The following CLDN18 variants were observed in gnomAD, a reference collection of about 807,000 sequenced individuals.
CLDN18 encodes the protein claudin-18.
A neutral mutation model predicts 25.0 loss-of-function variants in CLDN18; 20 were observed. The observed-to-expected ratio is 0.80, with a 90% CI of 0.56 to 1.16. The LOEUF (loss-of-function observed/expected upper bound fraction) is 1.16, where lower values mean the gene tolerates loss of function less well. Ranked by LOEUF, CLDN18 falls within the 50% of genes most tolerant of loss-of-function variation. CLDN18 has a pLI of 0.00. For missense variants in CLDN18, 297 were observed against 345.4 expected (o/e 0.86, Z 1.11); for synonymous variants, 125 against 135.6 (o/e 0.92, Z 0.54).
intron 1 of CLDN18, among the ~76,000 whole-genome samples, chr3:138,015,111 A>T (rs1007537970): frequency 2.0e-5 from 3 of 152,140 alleles, no homozygotes; most frequent in Non-Finnish European, 4.4e-5. Flanking sequence ...CATCCTGGGC[A>T]ACAAAGTGAA....
In CLDN18 at chr3:138,017,599, G is replaced by T. The variant is rs751706187; in HGVS notation, c.221-6059G>T. Among the ~76,000 whole-genome samples the T allele has an allele frequency of 1.3e-3, 205 of 152,140 alleles. 1 individual carries two copies. The highest frequency in any genetic ancestry group is 1.2e-4 in the Non-Finnish European group (8 of 68,012). ...AAAGGAGCTTGTCTGTTTATTTCTC[G>T]CTATTGGCTGAATGGTTTCACTGGT... is the stretch of plus-strand genomic sequence containing the variant. On this transcript the variant is annotated intron_variant, in intron 1 of 4. Transcript: ENST00000183605.
chr3:138,018,694 C>T lies in CLDN18; in HGVS notation c.221-4964C>T, dbSNP rs1036945677. ...CTGAGGGTACCTCCTACAGACTTCA[C>T]CTCGTAGTAGTATTGCATTGGGGAT... On this transcript the variant is annotated intron_variant, in intron 1 of 4. Transcript: ENST00000183605. Among the ~76,000 whole-genome samples, 6 of 152,334 alleles carry T rather than the reference C, an allele frequency of 3.9e-5. No individual in the cohort carries two copies. The South Asian group carries it at 1.2e-3, about 32-fold the overall frequency.
chr3:138,031,435 T>C lies in CLDN18; in HGVS notation c.*294T>C, dbSNP rs1942394869. The C allele has an allele frequency of 4.5e-6, 1 of 221,156 alleles. No homozygotes were observed. The highest frequency in any genetic ancestry group is 5.7e-5 in the Admixed American group (1 of 17,626). 13.7% of individuals were successfully genotyped at this position (221,156 alleles called of 1,614,324 possible). A position where few individuals can be genotyped will look rare whatever the true frequency, so the allele number is the denominator to read the frequency against. On this transcript the variant is annotated 3_prime_UTR_variant, in exon 5 of 5. Transcript: ENST00000183605. Reference sequence around the variant, plus strand: ...CTGATGAGAGAATGTGGTTTTAATCTCTCTCTCACATTTTGATGATTTAGA... The same window carrying C: ...CTGATGAGAGAATGTGGTTTTAATCCCTCTCTCACATTTTGATGATTTAGA...
intron 3 of CLDN18, among the ~76,000 whole-genome samples, chr3:138,026,491 C>T (rs1227007521): frequency 1.3e-5 from 2 of 152,044 alleles, no homozygotes; most frequent in South Asian, 4.2e-4. Flanking sequence ...ACTGAAAATA[C>T]AAAATTAGCT....
rs1942404461 is a variant in CLDN18 at position 138,032,140 on chromosome 3, C to CT, written c.*1000dup. 1 of 152,214 alleles carries CT rather than the reference C, an allele frequency of 6.6e-6. No individual in the cohort carries two copies. The highest frequency in any genetic ancestry group is 6.5e-5 in the Admixed American group (1 of 15,278). The allele number at this position is 152,214 out of a possible 1,614,324, so 9.4% of individuals were successfully genotyped here. A position where few individuals can be genotyped will look rare whatever the true frequency, so the allele number is the denominator to read the frequency against. ...AAGCCATGTAAAAAGTAAATAATGT[C>CT]TGGGCACAGTGGCTCACGCCTGTAA... On this transcript the variant is annotated 3_prime_UTR_variant, in exon 5 of 5. Coordinates refer to ENST00000183605, the MANE Select transcript of CLDN18 (RefSeq NM_016369.4).
upstream of CLDN18, among the ~76,000 whole-genome samples, chr3:138,006,891 C>T (rs1559803488): frequency 6.6e-6 from 1 of 152,210 alleles, no homozygotes; most frequent in East Asian, 1.9e-4. Context: ...ACCATTTCAG[C>T]CAAGAAAGAA....
At chr3:138,028,613 G>A (rs932958135) in intron 3 of CLDN18, among the ~76,000 whole-genome samples, 11 of 152,218 alleles carry the variant, frequency 7.2e-5, no homozygotes, top group African/African-American at 2.7e-4. Context: ...AACTCATGGA[G>A]CCGGAAATCA....
upstream of CLDN18, among the ~76,000 whole-genome samples, chr3:138,007,173 T>C (rs1318101695): frequency 1.3e-5 from 2 of 152,186 alleles, no homozygotes; most frequent in Non-Finnish European, 2.9e-5. Context: ...AGGATACAAT[T>C]TGACCTAGCA....
upstream of CLDN18, among the ~76,000 whole-genome samples, chr3:138,005,516 G>T (rs919105636): frequency 4.0e-5 from 6 of 151,810 alleles, no homozygotes; most frequent in African/African-American, 1.5e-4. Flanking sequence ...GTGTTAGTTT[G>T]CTGAGAATGG....
Position 138,010,186 on chromosome 3 carries a change from C to A in CLDN18, c.-40C>A. ...CTTCACACCTTCGGCAGCAGGAGGG[C>A]GGCAGCTTCTCGCAGGCGGCAGGGC... On this transcript the variant is annotated 5_prime_UTR_variant, in exon 1 of 5. Transcript: ENST00000183605. 1 of 1,598,830 alleles carries A rather than the reference C, an allele frequency of 6.3e-7. No individual in the cohort carries two copies. The highest frequency in any genetic ancestry group is 2.3e-5 in the East Asian group (1 of 44,436).
intron 1 of CLDN18, among the ~76,000 whole-genome samples, chr3:137,999,557 C>A (rs868223274): frequency 1.3e-5 from 2 of 152,108 alleles, no homozygotes; most frequent in Non-Finnish European, 2.9e-5. Context: ...CAATAGAAAT[C>A]GGGCAGAGGA....
Position 138,031,875 on chromosome 3 carries a change from T to A in CLDN18, c.*734T>A, listed in dbSNP as rs943718576. ...AGATGAATGAGAAAATTATTTTTTT[T>A]AATTTAAGTCCTAAATATAGTTAAA... On this transcript the variant is annotated 3_prime_UTR_variant, in exon 5 of 5. Transcript: ENST00000183605. The A allele has an allele frequency of 1.3e-5, 2 of 152,226 alleles. No individual in the cohort carries two copies. The highest frequency in any genetic ancestry group is 2.9e-5 in the Non-Finnish European group (2 of 68,048). 9.4% of individuals were successfully genotyped at this position (152,226 alleles called of 1,614,324 possible).
rs912287789 is a variant in CLDN18 at position 138,010,393 on chromosome 3, G to C, written c.168G>C (p.Gln56His). 2.8e-5 allele frequency: 45 copies of C among 1,614,128 alleles called. No individual in the cohort carries two copies. The highest frequency in any genetic ancestry group is 3.7e-5 in the Non-Finnish European group (44 of 1,180,050). ...GGCTCTGGAGGAGCTGCGTGAGGCA[G>C]AGTTCAGGCTTCACCGAATGCAGGC... ...YEGLWRSCVR[Q>H]SSGFTECRPY... The change falls in exon 1 of 5, where the codon CAG becomes CAC. Residue 56 changes from glutamine (Q) to histidine (H), a missense_variant. Physicochemically the swap from Gln to His is conservative, Grantham distance 24 (BLOSUM62 0). Coordinates refer to ENST00000183605, the MANE Select transcript of CLDN18 (RefSeq NM_016369.4).
intron 1 of CLDN18, among the ~76,000 whole-genome samples, chr3:138,014,528 A>G (rs1313542173): frequency 6.6e-6 from 1 of 152,030 alleles, no homozygotes; most frequent in Non-Finnish European, 1.5e-5. Context: ...CTGTCTCCCA[A>G]TTGTGCTGTG....
At chr3:138,000,367 A>C (rs948285796) in intron 1 of CLDN18, among the ~76,000 whole-genome samples, 3 of 152,216 alleles carry the variant, frequency 2.0e-5, no homozygotes, top group African/African-American at 7.2e-5. Context: ...CAATACAGAA[A>C]GGAAAAACAG....
At chr3:138,015,815 CACTT>C (rs1256065875) in intron 1 of CLDN18, among the ~76,000 whole-genome samples, 1 of 152,222 alleles carries the variant, frequency 6.6e-6, no homozygotes, top group East Asian at 1.9e-4. Flanking sequence ...TGCAAAATCT[CACTT>C]AACTTTTCAT....
At chr3:138,009,426 G>C (rs1240709010), upstream of CLDN18, among the ~76,000 whole-genome samples, 1 of 152,150 alleles carries the variant, frequency 6.6e-6, no homozygotes, top group African/African-American at 2.4e-5. Context: ...GGGGTCCCTG[G>C]CTTCCTCTCA....
At chr3:138,013,877 A>C (rs1942170286) in intron 1 of CLDN18, among the ~76,000 whole-genome samples, 1 of 152,150 alleles carries the variant, frequency 6.6e-6, no homozygotes, top group African/African-American at 2.4e-5. Flanking sequence ...TTTCAGAGCT[A>C]GACATTTTGG....
chr3:138,005,046 T>C (rs1194839682), intron 1 of CLDN18: 1 of 152,158 alleles, frequency 6.6e-6, no homozygotes, highest in Non-Finnish European at 1.5e-5. Context: ...AAGATGTTTT[T>C]AGTAATTACA....
Sources: allele counts gnomAD v4.1 joint callset (sites outside exome capture counted in the v4.1 genomes callset), GRCh38; gene constraint gnomAD v4.1.1; transcripts MANE v1.5; gene names NCBI Gene and HGNC (gene_info 2026-07-23, HGNC 2026-07-21).